Variants in HYDIN observed in about 807,000 individuals in gnomAD.
The protein encoded by HYDIN is HYDIN axonemal central pair apparatus protein.
In HYDIN, 132 loss-of-function variants were observed where a neutral mutation model predicts 403.9. The ratio of observed to expected loss-of-function variants is 0.33; its 90% confidence interval spans 0.28 to 0.38. HYDIN has a LOEUF of 0.38. HYDIN is among the 10% of genes least tolerant of loss of function. HYDIN has a pLI of 1.00. For synonymous variants in HYDIN, 1,202 were observed against 1,891.7 expected (o/e 0.64, Z 9.46); for missense variants, 2,827 against 5,009.5 (o/e 0.56, Z 13.15).
Position 70,802,889 on chromosome 16 carries a change from C to A in HYDIN, c.*4691G>T, listed in dbSNP as rs7498221. The stretch of plus-strand genomic sequence containing the variant: ...AATCCTATGAATGAAGGTAGGTGCG[C>A]TAACAAGTAGTAGTAGTGCTGCCAA... On this transcript the variant is annotated 3_prime_UTR_variant, in exon 86 of 86. Transcript: ENST00000393567. The A allele has an allele frequency of 6.6e-6, 1 of 152,150 alleles. No homozygotes were observed. Among genetic ancestry groups the A allele is most frequent in the Non-Finnish European group, 1.5e-5 (1 of 68,032 alleles). 9.4% of individuals were successfully genotyped at this position (152,150 alleles called of 1,614,324 possible). A position where few individuals can be genotyped will look rare whatever the true frequency, so the allele number is the denominator to read the frequency against.
chr16:71,205,358 G>C (rs1262780041), intron 1 of HYDIN, among the ~76,000 whole-genome samples: 2 of 152,232 alleles, frequency 1.3e-5, no homozygotes, highest in African/African-American at 4.8e-5. Context: ...AAGGGGAAGT[G>C]AGTGAGAACC....
intron 75 of HYDIN, among the ~76,000 whole-genome samples, chr16:70,847,460 C>T (rs2038291485): frequency 6.6e-6 from 1 of 152,034 alleles, no homozygotes; most frequent in Non-Finnish European, 1.5e-5. Context: ...CCCTTTATTA[C>T]TTCTTGTAGG....
At chr16:71,200,871 A>G (rs1426669927) in intron 1 of HYDIN, among the ~76,000 whole-genome samples, 2 of 152,156 alleles carry the variant, frequency 1.3e-5, no homozygotes, top group African/African-American at 4.8e-5. Flanking sequence ...CTTATCTCTG[A>G]AACATCCAGC....
intron 3 of HYDIN, 27 bp downstream of exon 3, chr16:71,184,838 T>A: frequency 6.4e-7 from 1 of 1,556,324 alleles, no homozygotes; most frequent in African/African-American, 1.4e-5. Context: ...GCCCACTTTA[T>A]ATGTAAGTAC....
rs1296984387 is a variant in HYDIN at position 71,230,649 on chromosome 16, G to A, written c.-111C>T. 1.3e-6 allele frequency: 2 copies of A among 1,535,958 alleles called. No individual in the cohort carries two copies. Among genetic ancestry groups the A allele is most frequent in the Non-Finnish European group, 8.7e-7 (1 of 1,146,840 alleles). On this transcript the variant is annotated 5_prime_UTR_variant, in exon 1 of 86. Coordinates refer to ENST00000393567, the MANE Select transcript of HYDIN (RefSeq NM_001270974.2). ...ACTCACAGACCCCGCCGCCGCTGAG[G>A]GGCTCCATACCCAGCTTGAAGCCGC...
At chr16:70,832,552 T>A (rs531916458) in intron 80 of HYDIN, among the ~76,000 whole-genome samples, 98 of 152,142 alleles carry the variant, frequency 6.4e-4, no homozygotes, top group African/African-American at 2.2e-3. Context: ...CATTTTTTTT[T>A]AAACCATAGA....
chr16:70,932,107 C>G (rs2077359768), intron 45 of HYDIN, among the ~76,000 whole-genome samples: 2 of 146,056 alleles, frequency 1.4e-5, no homozygotes, highest in Non-Finnish European at 3.0e-5. Context: ...GTAATCCCAG[C>G]ACTTTGGGAG....
chr16:70,974,290 AGTACT>A lies in HYDIN; in HGVS notation c.4915_4919del (p.Ser1639Ter). 6.3e-7 allele frequency: 1 copy of A among 1,597,970 alleles called. No individual in the cohort carries two copies. The highest frequency in any genetic ancestry group is 8.5e-7 in the Non-Finnish European group (1 of 1,174,330). The stretch of plus-strand genomic sequence containing the variant: ...GTAGATTCTTTACACGATCTAGCTC[AGTACT>A]GAATCCTGGACCAAGACAAAAAAAA... On this transcript the variant is annotated frameshift_variant, in exon 33 of 86. Transcript: ENST00000393567. LOFTEE classifies it high-confidence loss of function.
intron 47 of HYDIN, among the ~76,000 whole-genome samples, chr16:70,909,688 CTTTTTTTTTTTT>C (rs74464612): frequency 2.2e-4 from 14 of 64,776 alleles, no homozygotes; most frequent in Admixed American, 1.8e-3. Context: ...TCAGGCATGT[CTTTTTTTTTTTT>C]TTTTTTTTTT....
intron 62 of HYDIN, among the ~76,000 whole-genome samples, chr16:70,875,484 G>A (rs553326104): frequency 1.9e-4 from 29 of 151,948 alleles, no homozygotes; most frequent in South Asian, 1.5e-3. Flanking sequence ...ATCTGATTTC[G>A]GATATGAGAC....
rs2084190767 is a variant in HYDIN at position 71,119,886 on chromosome 16, T to C, written c.1228-4091A>G. Among the ~76,000 whole-genome samples, 4 of 152,008 alleles carry C rather than the reference T, an allele frequency of 2.6e-5. No homozygotes were observed. The South Asian group carries it at 6.2e-4, about 24-fold the overall frequency. On this transcript the variant is annotated intron_variant, in intron 9 of 85. Coordinates refer to ENST00000393567, the MANE Select transcript of HYDIN (RefSeq NM_001270974.2). ...AGTTTCACGTCTTTGAAAGATTTCA[T>C]ATGACTTCTTTAACACTTCTGAAAT...
At chr16:71,063,452 G>A (rs1347248899) in intron 16 of HYDIN, among the ~76,000 whole-genome samples, 1 of 152,234 alleles carries the variant, frequency 6.6e-6, no homozygotes, top group Non-Finnish European at 1.5e-5. Context: ...TGAGTGTTTG[G>A]CTTCCCCTTA....
rs2082998195 is a variant in HYDIN at position 71,088,407 on chromosome 16, C to T, written c.1564G>A (p.Val522Ile). Reference sequence around the variant, plus strand: ...CTGAAGGAGATCTGGATAGCTTGGACTCCACTTGGTTCAATGATGCCTTCC... The same window carrying T: ...CTGAAGGAGATCTGGATAGCTTGGATTCCACTTGGTTCAATGATGCCTTCC... Reference protein sequence around the residue: ...PKEGIIEPSGVQAIQISFSST... With the variant: ...PKEGIIEPSGIQAIQISFSST... The change falls in exon 12 of 86, where the codon GTC becomes ATC. Residue 522 changes from valine to isoleucine, a missense_variant. Val to Ile is a conservative substitution (Grantham distance 29). Coordinates refer to ENST00000393567, the MANE Select transcript of HYDIN (RefSeq NM_001270974.2). 1.8e-6 allele frequency: 1 copy of T among 553,686 alleles called. No homozygotes were observed. The highest frequency in any genetic ancestry group is 3.2e-6 in the Non-Finnish European group (1 of 313,826). The allele number at this position is 553,686 out of a possible 1,614,324, so 34.3% of individuals were successfully genotyped here.
chr16:71,202,072 T>C (rs2088047279), intron 1 of HYDIN, among the ~76,000 whole-genome samples: 1 of 152,216 alleles, frequency 6.6e-6, no homozygotes, highest in African/African-American at 2.4e-5. Flanking sequence ...ACTTCTATCT[T>C]ATATGCCTTT....
chr16:70,921,599 T>A (rs1027531552), intron 45 of HYDIN, among the ~76,000 whole-genome samples: 2 of 152,154 alleles, frequency 1.3e-5, no homozygotes, highest in Non-Finnish European at 2.9e-5. Flanking sequence ...AGTGGTCCAA[T>A]CCCAGCTGCA....
chr16:70,860,263 G>A, intron 70 of HYDIN, 57 bp from the exon 71 acceptor site: 1 of 1,579,580 alleles, frequency 6.3e-7, no homozygotes, highest in Non-Finnish European at 8.6e-7. Flanking sequence ...TGAGGATTAA[G>A]AGAAATTTCT....
At chr16:70,850,827 A>G (rs2038591279) in intron 73 of HYDIN, among the ~76,000 whole-genome samples, 172 bp from the exon 74 acceptor site, 1 of 152,204 alleles carries the variant, frequency 6.6e-6, no homozygotes, top group South Asian at 2.1e-4. Flanking sequence ...TACTGGCATA[A>G]AAACAGACAC....
chr16:71,052,400 TA>T (rs1416691151), intron 18 of HYDIN, among the ~76,000 whole-genome samples: 1 of 151,468 alleles, frequency 6.6e-6, no homozygotes, highest in Non-Finnish European at 1.5e-5. Flanking sequence ...AAGGAAAGAG[TA>T]TGCAAGAACT....
intron 20 of HYDIN, among the ~76,000 whole-genome samples, chr16:71,026,582 C>G (rs900311364): frequency 6.6e-6 from 1 of 152,072 alleles, no homozygotes; most frequent in Non-Finnish European, 1.5e-5. Context: ...TCCTCAGTGC[C>G]TAGCACAGTA....
Sources: allele counts gnomAD v4.1 joint callset (sites outside exome capture counted in the v4.1 genomes callset), GRCh38; gene constraint gnomAD v4.1.1; transcripts MANE v1.5; gene names NCBI Gene and HGNC (gene_info 2026-07-23, HGNC 2026-07-21).